Variants in NADK2 observed in about 807,000 individuals in gnomAD.
The protein encoded by NADK2 is NAD kinase domain-containing protein 1, mitochondrial.
In NADK2, 35 loss-of-function variants were observed where a neutral mutation model predicts 62.1. That is an observed-to-expected ratio of 0.56 (90% confidence interval 0.43 to 0.75). NADK2 has a LOEUF of 0.75. Among genes scored for constraint, NADK2 ranks in the 30% least tolerant of loss-of-function variants. NADK2 has a pLI of 0.00. For missense variants in NADK2, 439 were observed against 561.3 expected (o/e 0.78, Z 2.20); for synonymous variants, 205 against 207.9 (o/e 0.99, Z 0.12).
At chr5:36,206,499 G>A (rs1026111319) in intron 8 of NADK2, among the ~76,000 whole-genome samples, 1 of 151,414 alleles carries the variant, frequency 6.6e-6, no homozygotes, top group Non-Finnish European at 1.5e-5. Flanking sequence ...GATATATAGA[G>A]GGGAGAATGA....
chr5:36,223,155 C>A (rs1450369548), intron 4 of NADK2, among the ~76,000 whole-genome samples: 1 of 151,924 alleles, frequency 6.6e-6, no homozygotes, highest in Non-Finnish European at 1.5e-5. Context: ...TCCAAGAAAA[C>A]CAGGAGAAGT....
chr5:36,200,393 ATATGT>A, intron 9 of NADK2, 113 bp from the exon 10 acceptor site: 1 of 438,558 alleles, frequency 2.3e-6, no homozygotes, highest in East Asian at 4.6e-5. Flanking sequence ...TTATATATAT[ATATGT>A]TATTATGTAA....
Position 36,241,757 on chromosome 5 carries a change from G to A in NADK2, c.42C>T (p.Arg14=). 2 of 1,321,256 alleles carry A rather than the reference G, an allele frequency of 1.5e-6. No homozygotes were observed. Among genetic ancestry groups the A allele is most frequent in the Non-Finnish European group, 9.7e-7 (1 of 1,031,032 alleles). 81.8% of individuals were successfully genotyped at this position (1,321,256 alleles called of 1,614,324 possible). A position where few individuals can be genotyped will look rare whatever the true frequency, so the allele number is the denominator to read the frequency against. The change falls in exon 1 of 12, where the codon CGC becomes CGT. Residue 14 remains arginine (R), a synonymous_variant. Coordinates refer to ENST00000381937, the MANE Select transcript of NADK2 (RefSeq NM_001085411.3). This position sits in a 1 kb window ranked among gnomAD's most constrained non-coding sequence, Gnocchi z 4.9. ...GCGCCGCCGCCCGGCCGCCCGCCAC[G>A]CGACAACAGCTGCCCAGCAAGAAGC... ...YRGFLLGSCC[R]VAGGRAAALR...
chr5:36,238,478 T>G (rs1747990071), intron 1 of NADK2, among the ~76,000 whole-genome samples: 1 of 152,208 alleles, frequency 6.6e-6, no homozygotes. Context: ...ATTAAAATTT[T>G]TTTTCCTTAT....
rs910100954 is a variant in NADK2, at chr5:36,194,583, A to G, written c.*561T>C. On this transcript the variant is annotated 3_prime_UTR_variant, in exon 12 of 12. Transcript: ENST00000381937. ...ATTATTATTTGAAATTTTTAAATCA[A>G]TAGTCATAACATCATCGTGTTCCGA... is the stretch of plus-strand genomic sequence containing the variant. 2.6e-5 allele frequency: 4 copies of G among 152,320 alleles called. No individual in the cohort carries two copies. The highest frequency in any genetic ancestry group is 7.2e-5 in the African/African-American group (3 of 41,584). The allele number at this position is 152,320 out of a possible 1,614,324, so 9.4% of individuals were successfully genotyped here. A position where few individuals can be genotyped will look rare whatever the true frequency, so the allele number is the denominator to read the frequency against.
At chr5:36,240,802 C>G (rs1055709539) in intron 1 of NADK2, among the ~76,000 whole-genome samples, 5 of 152,178 alleles carry the variant, frequency 3.3e-5, no homozygotes, top group African/African-American at 9.7e-5. Context: ...AGTATACCAG[C>G]CCCTTGTCCT....
chr5:36,227,600 T>C (rs1233977839), intron 1 of NADK2, 35 bp from the exon 2 acceptor site: 3 of 1,189,218 alleles, frequency 2.5e-6, no homozygotes, highest in Non-Finnish European at 2.3e-6. Flanking sequence ...GTTTTACTAA[T>C]ATATATTACA....
chr5:36,208,519 G>A, intron 7 of NADK2: 3 of 779,954 alleles, frequency 3.8e-6, no homozygotes, highest in South Asian at 1.8e-5. Context: ...CCAAAATAAT[G>A]AGCAAATTTA....
intron 9 of NADK2, among the ~76,000 whole-genome samples, chr5:36,200,538 G>A (rs183302494): frequency 6.6e-6 from 1 of 151,794 alleles, no homozygotes; most frequent in Non-Finnish European, 1.5e-5. Flanking sequence ...TTCAGTTACT[G>A]GCAGACAACC....
intron 7 of NADK2, 116 bp downstream of exon 7, chr5:36,211,728 T>C: frequency 1.3e-6 from 1 of 778,280 alleles, no homozygotes; most frequent in South Asian, 1.7e-5. Context: ...AATAATGAAC[T>C]GCCATTACTT....
rs1389692951 is a variant in NADK2, at chr5:36,225,656, C to T, written c.479-33G>A. 13 of 1,583,858 alleles carry T rather than the reference C, an allele frequency of 8.2e-6. No individual in the cohort carries two copies. In the Admixed American group the frequency reaches 1.1e-4, roughly 13 times the overall value. On this transcript the variant is annotated intron_variant, in intron 3 of 11. Coordinates refer to ENST00000381937, the MANE Select transcript of NADK2 (RefSeq NM_001085411.3). ...ACATAAGACAAAATACAAGACATAA[C>T]CAAATTTCTGTTATAAATCTAGTTT...
At position 36,194,171 on chromosome 5, in the gene NADK2, A is replaced by ATCTT. The variant is rs1746137700; in HGVS notation, c.*969_*972dup. 6.6e-6 allele frequency: 1 copy of ATCTT among 152,198 alleles called. No homozygotes were observed. Among genetic ancestry groups the ATCTT allele is most frequent in the South Asian group, 2.1e-4 (1 of 4,834 alleles). The allele number at this position is 152,198 out of a possible 1,614,324, so 9.4% of individuals were successfully genotyped here. Reference sequence around the variant, plus strand: ...TCTTATCCTAAAAGCTATTCTGTAAATCTTGGAATATAAGCTAGGTGAAAA... The same window carrying ATCTT: ...TCTTATCCTAAAAGCTATTCTGTAAATCTTTCTTGGAATATAAGCTAGGTGAAAA... On this transcript the variant is annotated 3_prime_UTR_variant, in exon 12 of 12. Transcript: ENST00000381937.
chr5:36,234,242 G>A (rs909691468), intron 1 of NADK2, among the ~76,000 whole-genome samples: 10 of 151,272 alleles, frequency 6.6e-5, no homozygotes, highest in Middle Eastern at 3.4e-3. Flanking sequence ...GCATGGTGGC[G>A]CGCGCCTGTA....
chr5:36,222,209 T>A (rs544754494), intron 4 of NADK2, among the ~76,000 whole-genome samples: 1 of 150,262 alleles, frequency 6.7e-6, no homozygotes, highest in South Asian at 2.1e-4. Context: ...AGTGAGTAAG[T>A]GGTATAAGGG....
At chr5:36,238,535 A>G (rs1044126560) in intron 1 of NADK2, among the ~76,000 whole-genome samples, 1 of 152,130 alleles carries the variant, frequency 6.6e-6, no homozygotes, top group Non-Finnish European at 1.5e-5. Context: ...TTTAAATAAA[A>G]CCTTTTTTTG....
intron 8 of NADK2, among the ~76,000 whole-genome samples, chr5:36,206,590 C>T (rs1561059307): frequency 6.6e-6 from 1 of 151,866 alleles, no homozygotes; most frequent in Non-Finnish European, 1.5e-5. Flanking sequence ...ATATAAAGAA[C>T]ACAAAAAGAA....
At chr5:36,228,789 A>AT (rs34062296) in intron 1 of NADK2, among the ~76,000 whole-genome samples, 40,378 of 131,736 alleles carry the variant, frequency 0.31, 7,131 homozygotes, top group South Asian at 0.47. Flanking sequence ...CAGCTAATTT[A>AT]TTTTATTTTT....
In NADK2 at chr5:36,194,636, A is replaced by T. The variant is rs1270871561; in HGVS notation, c.*508T>A. The T allele has an allele frequency of 6.6e-6, 1 of 152,242 alleles. No individual in the cohort carries two copies. Among genetic ancestry groups the T allele is most frequent in the Admixed American group, 6.5e-5 (1 of 15,280 alleles). The allele number at this position is 152,242 out of a possible 1,614,324, so 9.4% of individuals were successfully genotyped here. A position where few individuals can be genotyped will look rare whatever the true frequency, so the allele number is the denominator to read the frequency against. On this transcript the variant is annotated 3_prime_UTR_variant, in exon 12 of 12. Transcript: ENST00000381937. Reference sequence around the variant, plus strand: ...TTAGAAAATTATTAGCACATATACAAACATATTTACCTATGTCAATTAGGT... The same window carrying T: ...TTAGAAAATTATTAGCACATATACATACATATTTACCTATGTCAATTAGGT...
At chr5:36,215,963 G>C (rs1747026692) in intron 6 of NADK2, among the ~76,000 whole-genome samples, 1 of 152,142 alleles carries the variant, frequency 6.6e-6, no homozygotes, top group Non-Finnish European at 1.5e-5. Context: ...CCAGTAGTGG[G>C]ATTGCTAGAT....
Sources: allele counts gnomAD v4.1 joint callset (sites outside exome capture counted in the v4.1 genomes callset), GRCh38; gene constraint gnomAD v4.1.1; non-coding constraint Gnocchi (gnomAD v3.1); transcripts MANE v1.5; gene names NCBI Gene and HGNC (gene_info 2026-07-23, HGNC 2026-07-21).